The following PHF13 variants were observed in gnomAD, a reference collection of about 807,000 sequenced individuals.
PHF13 encodes PHD finger protein 13, also known as PHD zinc finger protein PHF5.
Under a neutral mutation model 25.8 loss-of-function variants are expected in PHF13, and 1 was observed. That is an observed-to-expected ratio of 0.04 (90% CI 0.01 to 0.18). The LOEUF is 0.18. PHF13 is among the 10% of genes least tolerant of loss of function. The probability of loss-of-function intolerance (pLI) is 1.00; values close to 1 mark genes in which losing one functional copy is unlikely to be tolerated. For synonymous variants in PHF13, 195 were observed against 162.4 expected (o/e 1.20, Z -1.53); for missense variants, 306 against 403.2 (o/e 0.76, Z 2.06).
At position 6,621,360 on chromosome 1, in the gene PHF13, G is replaced by A. The variant is rs781466734; in HGVS notation, c.677-51G>A. ...GTTTCATGGAAGCCCAGCTGATGGCGAGGAATGATGGGAATTTCTCTTCCC... is the reference window on the plus strand; with the variant it reads ...GTTTCATGGAAGCCCAGCTGATGGCAAGGAATGATGGGAATTTCTCTTCCC... On this transcript the variant is annotated intron_variant, in intron 3 of 3. Transcript: ENST00000377648. This position sits in a 1 kb window ranked among gnomAD's most constrained non-coding sequence, Gnocchi z 4.8. The A allele has an allele frequency of 3.2e-6, 5 of 1,584,626 alleles. No homozygotes were observed. The highest frequency in any genetic ancestry group is 1.3e-5 in the African/African-American group (1 of 74,408).
rs575741689 is a variant in PHF13, at chr1:6,623,934, C to T, written c.*2297C>T. ...AATTTTAAAGTTTATGTGTATAAAGCGAAGCTGTTTCTGTGAAACTGTATA... is the reference window on the plus strand; with the variant it reads ...AATTTTAAAGTTTATGTGTATAAAGTGAAGCTGTTTCTGTGAAACTGTATA... On this transcript the variant is annotated 3_prime_UTR_variant, in exon 4 of 4. Transcript: ENST00000377648. 7 of 152,722 alleles carry T rather than the reference C, an allele frequency of 4.6e-5. No individual in the cohort carries two copies. The highest frequency in any genetic ancestry group is 7.2e-5 in the African/African-American group (3 of 41,556). 9.5% of individuals were successfully genotyped at this position (152,722 alleles called of 1,614,324 possible). A position where few individuals can be genotyped will look rare whatever the true frequency, so the allele number is the denominator to read the frequency against.
At position 6,621,184 on chromosome 1, in the gene PHF13, T is replaced by G. The variant is rs1641333715; in HGVS notation, c.677-227T>G. Among the ~76,000 whole-genome samples the G allele has an allele frequency of 1.3e-5, 2 of 148,956 alleles. No homozygotes were observed. Among genetic ancestry groups the G allele is most frequent in the African/African-American group, 5.0e-5 (2 of 40,170 alleles). ...CTGCACTCCAGCCAGGGTGACAGAG[T>G]GAGACCCTGTCTTAGGGAAAAAAAA... On this transcript the variant is annotated intron_variant, in intron 3 of 3. Coordinates refer to ENST00000377648, the MANE Select transcript of PHF13 (RefSeq NM_153812.3). The surrounding 1 kb of genome is among the most constrained non-coding windows in gnomAD (Gnocchi z 4.8).
chr1:6,616,925 C>A, intron 2 of PHF13, 67 bp downstream of exon 2: 1 of 1,403,220 alleles, frequency 7.1e-7, no homozygotes, highest in South Asian at 1.2e-5. Context: ...ACCGCAAGTT[C>A]GTGGGCTTCT....
Position 6,621,735 on chromosome 1 carries a change from CG to C in PHF13, c.*101del. On this transcript the variant is annotated 3_prime_UTR_variant, in exon 4 of 4. Coordinates refer to ENST00000377648, the MANE Select transcript of PHF13 (RefSeq NM_153812.3). The surrounding 1 kb of genome is among the most constrained non-coding windows in gnomAD (Gnocchi z 4.8). ...GAGCACAGAACCCTCAGCTCTGGTG[CG>C]GGCAGATCCCTGCCATTTAGGTGCC... 8.3e-7 allele frequency: 1 copy of C among 1,204,060 alleles called. No individual in the cohort carries two copies. Among genetic ancestry groups the C allele is most frequent in the Non-Finnish European group, 1.2e-6 (1 of 839,946 alleles). 74.6% of individuals were successfully genotyped at this position (1,204,060 alleles called of 1,614,324 possible).
intron 2 of PHF13, 94 bp from the exon 3 acceptor site, chr1:6,619,709 C>T: frequency 7.7e-6 from 10 of 1,291,796 alleles, no homozygotes; most frequent in Middle Eastern, 2.8e-4. Context: ...GCAGATGTCT[C>T]TGGAGGTCTG....
chr1:6,620,152 C>G lies in PHF13; in HGVS notation c.491C>G (p.Pro164Arg). The G allele has an allele frequency of 6.2e-7, 1 of 1,613,844 alleles. No individual in the cohort carries two copies. Among genetic ancestry groups the G allele is most frequent in the Non-Finnish European group, 8.5e-7 (1 of 1,180,016 alleles). The change falls in exon 3 of 4, where the codon CCC becomes CGC. Residue 164 changes from proline to arginine, a missense_variant. Coordinates refer to ENST00000377648, the MANE Select transcript of PHF13 (RefSeq NM_153812.3). ...SPTLQDIPQA[P>R]SDPCSGWDSD... ...ACCTTGCAGGATATCCCCCAGGCTC[C>G]CAGCGACCCCTGCTCGGGCTGGGAC...
Position 6,614,113 on chromosome 1 carries a change from A to C in PHF13, c.39+8A>C, listed in dbSNP as rs1252163197. 6.3e-7 allele frequency: 1 copy of C among 1,593,504 alleles called. No homozygotes were observed. Among genetic ancestry groups the C allele is most frequent in the African/African-American group, 1.4e-5 (1 of 71,562 alleles). ...GCCGCCTTCCACCCGGAGGTGAGTG[A>C]AGCTGTGCGTCCGAATCGCCCCCGA... On this transcript the variant is annotated splice_region_variant and intron_variant, in intron 1 of 3. Transcript: ENST00000377648.
In PHF13 at chr1:6,620,174, G is replaced by C; in HGVS notation, c.513G>C (p.Trp171Cys). Residue 171 changes from tryptophan (W) to cysteine (C), a missense_variant, in exon 3 of 4, where the codon TGG (tryptophan) becomes TGC (cysteine). Around this residue, in one of 5 missense-constraint regions of PHF13, gnomAD observed 186 missense variants for 164.0 expected, o/e 1.13. Transcript: ENST00000377648. ...PQAPSDPCSGWDSDTPSSGSC... is the reference protein window; with the variant it reads ...PQAPSDPCSGCDSDTPSSGSC... ...CTCCCAGCGACCCCTGCTCGGGCTG[G>C]GACTCCGATACTCCCTCGAGTGGAT... is the stretch of plus-strand genomic sequence containing the variant. 1 of 1,613,940 alleles carries C rather than the reference G, an allele frequency of 6.2e-7. No individual in the cohort carries two copies. The highest frequency in any genetic ancestry group is 8.5e-7 in the Non-Finnish European group (1 of 1,180,026).
Position 6,621,309 on chromosome 1 carries a change from A to G in PHF13, c.677-102A>G. On this transcript the variant is annotated intron_variant, in intron 3 of 3. Coordinates refer to ENST00000377648, the MANE Select transcript of PHF13 (RefSeq NM_153812.3). The surrounding 1 kb of genome is among the most constrained non-coding windows in gnomAD (Gnocchi z 4.8). ...GTGTCAGCTTCGAGTGGCAGTTGGA[A>G]GTGTTCTCGTCAGTAGAGTTAATGG... 2 of 1,216,886 alleles carry G rather than the reference A, an allele frequency of 1.6e-6. No homozygotes were observed. The highest frequency in any genetic ancestry group is 2.4e-6 in the Non-Finnish European group (2 of 846,992). 75.4% of individuals were successfully genotyped at this position (1,216,886 alleles called of 1,614,324 possible).
rs1369317821 is a variant in PHF13, at chr1:6,621,875, T to A, written c.*238T>A. On this transcript the variant is annotated 3_prime_UTR_variant, in exon 4 of 4. Coordinates refer to ENST00000377648, the MANE Select transcript of PHF13 (RefSeq NM_153812.3). This position sits in a 1 kb window ranked among gnomAD's most constrained non-coding sequence, Gnocchi z 4.8. ...TGCGTTCCCTGCAGTGGAGGTGGAC[T>A]GGACACCCACGTGCAGCGGGTTTGG... 2 of 572,980 alleles carry A rather than the reference T, an allele frequency of 3.5e-6. No homozygotes were observed. Among genetic ancestry groups the A allele is most frequent in the Non-Finnish European group, 6.2e-6 (2 of 320,342 alleles). The allele number at this position is 572,980 out of a possible 1,614,324, so 35.5% of individuals were successfully genotyped here. A position where few individuals can be genotyped will look rare whatever the true frequency, so the allele number is the denominator to read the frequency against.
At chr1:6,616,025 ATTTTTTT>A (rs5772244) in intron 1 of PHF13, among the ~76,000 whole-genome samples, 16 of 91,772 alleles carry the variant, frequency 1.7e-4, no homozygotes, top group Admixed American at 1.0e-3. Flanking sequence ...TGAGTGGTTG[ATTTTTTT>A]TTTTTTTTTT....
intron 1 of PHF13, among the ~76,000 whole-genome samples, chr1:6,615,176 C>T (rs1641241322): frequency 6.6e-6 from 1 of 151,792 alleles, no homozygotes; most frequent in Non-Finnish European, 1.5e-5. Flanking sequence ...GTGGAACCCC[C>T]AGTCCCCGCG....
In PHF13 at chr1:6,617,730, T is replaced by G. The variant is rs938983153; in HGVS notation, c.141+872T>G. ...AGCGTTGAGCCACTGCACCTGGCTG[T>G]CTGCTTGCTTTTAATAAGGGTCTGT... On this transcript the variant is annotated intron_variant, in intron 2 of 3. Coordinates refer to ENST00000377648, the MANE Select transcript of PHF13 (RefSeq NM_153812.3). Among the ~76,000 whole-genome samples, 5 of 152,196 alleles carry G rather than the reference T, an allele frequency of 3.3e-5. No homozygotes were observed. In the South Asian group the frequency reaches 6.2e-4, roughly 19 times the overall value.
At position 6,623,522 on chromosome 1, in the gene PHF13, C is replaced by T. The variant is rs531164266; in HGVS notation, c.*1885C>T. ...TCTGCTTTGAAAAAAAAAAATTCCA[C>T]AAGCTTTTAAAGGTGCATTTAAGAA... On this transcript the variant is annotated 3_prime_UTR_variant, in exon 4 of 4. Transcript: ENST00000377648. The T allele has an allele frequency of 1.1e-3, 170 of 152,286 alleles. No homozygotes were observed. The highest frequency in any genetic ancestry group is 4.1e-3 in the African/African-American group (168 of 41,390). 9.4% of individuals were successfully genotyped at this position (152,286 alleles called of 1,614,324 possible).
At chr1:6,617,788 T>C (rs996123666) in intron 2 of PHF13, among the ~76,000 whole-genome samples, 1 of 152,078 alleles carries the variant, frequency 6.6e-6, no homozygotes, top group Non-Finnish European at 1.5e-5. Context: ...CTGGACACTA[T>C]TCTTGGCCTA....
At chr1:6,614,176 G>A (rs546259774) in intron 1 of PHF13, 71 bp downstream of exon 1, 4 of 1,474,426 alleles carry the variant, frequency 2.7e-6, no homozygotes, top group East Asian at 2.6e-5. Context: ...CAGGCAGCCA[G>A]ACCCCCGGTC....
rs1459327415 is a variant in PHF13 at position 6,623,022 on chromosome 1, C to T, written c.*1385C>T. 6.6e-6 allele frequency: 1 copy of T among 152,222 alleles called. No homozygotes were observed. Among genetic ancestry groups the T allele is most frequent in the African/African-American group, 2.4e-5 (1 of 41,460 alleles). 9.4% of individuals were successfully genotyped at this position (152,222 alleles called of 1,614,324 possible). On this transcript the variant is annotated 3_prime_UTR_variant, in exon 4 of 4. Coordinates refer to ENST00000377648, the MANE Select transcript of PHF13 (RefSeq NM_153812.3). Reference sequence around the variant, plus strand: ...TGGTAGGTTTTCATAAGCATTGTTTCTTTAAGGCATGGAAAGGGAAGAATG... The same window carrying T: ...TGGTAGGTTTTCATAAGCATTGTTTTTTTAAGGCATGGAAAGGGAAGAATG...
rs144028603 is a variant in PHF13 at position 6,616,786 on chromosome 1, G to A, written c.69G>A (p.Arg23=). 111 of 1,614,150 alleles carry A rather than the reference G, an allele frequency of 6.9e-5. 1 individual carries two copies. In the African/African-American group the frequency reaches 1.2e-3, roughly 18 times the overall value. The change falls in exon 2 of 4, where the codon AGG becomes AGA. Residue 23 remains arginine, a synonymous_variant. Coordinates refer to ENST00000377648, the MANE Select transcript of PHF13 (RefSeq NM_153812.3). ...ACTCCCCCAGTTGCAAGAGGCGCAG[G>A]ACCGTGGAAGACTTCAACAAATTCT... The part of the protein sequence containing the change: ...EEYSPSCKRR[R]TVEDFNKFCT...
intron 2 of PHF13, among the ~76,000 whole-genome samples, chr1:6,617,114 T>G (rs1219147463): frequency 1.3e-5 from 2 of 152,284 alleles, no homozygotes; most frequent in African/African-American, 2.4e-5. Context: ...AAACTTTCTT[T>G]TTTTTTGGAA....
Sources: allele counts gnomAD v4.1 joint callset (sites outside exome capture counted in the v4.1 genomes callset), GRCh38; gene constraint gnomAD v4.1.1; regional missense constraint gnomAD v4.1.1; non-coding constraint Gnocchi (gnomAD v3.1); transcripts MANE v1.5; gene names NCBI Gene and HGNC (gene_info 2026-07-23, HGNC 2026-07-21).